MRPS9: variants seen among roughly 807,000 people sequenced by gnomAD.
MRPS9 encodes the protein mitochondrial ribosomal protein S9.
Under a neutral mutation model 59.9 loss-of-function variants are expected in MRPS9, and 45 were observed. That is an observed-to-expected ratio of 0.75 (90% CI 0.59 to 0.96). The LOEUF is 0.96. Ranked by LOEUF, MRPS9 falls within the 40% of genes least tolerant of loss-of-function variation. The probability of loss-of-function intolerance (pLI) is 0.00; values close to 1 mark genes in which losing one functional copy is unlikely to be tolerated. For missense variants in MRPS9, 473 were observed against 481.1 expected, an observed-to-expected ratio of 0.98 and a Z score of 0.16; for synonymous variants, 171 against 166.8, an observed-to-expected ratio of 1.03 and a Z score of -0.19.
chr2:105,039,412 A>G (rs1311842308), intron 1 of MRPS9, among the ~76,000 whole-genome samples: 1 of 151,104 alleles, frequency 6.6e-6, no homozygotes, highest in Admixed American at 6.6e-5. Context: ...CATGATTATG[A>G]GAGGGACTAT....
At position 105,071,572 on chromosome 2, in the gene MRPS9, ATC is replaced by A. The variant is rs1680114386; in HGVS notation, c.409+84_409+85del. 3.7e-6 allele frequency: 5 copies of A among 1,352,518 alleles called. No homozygotes were observed. In the East Asian group the frequency reaches 1.2e-4, roughly 31 times the overall value. The allele number at this position is 1,352,518 out of a possible 1,614,324, so 83.8% of individuals were successfully genotyped here. A position where few individuals can be genotyped will look rare whatever the true frequency, so the allele number is the denominator to read the frequency against. Reference sequence around the variant, plus strand: ...GTTATGTATCAGCGGTTGCTCACATATCGTAGGGTGGCCTTCCTGTGTCACAG... The same window carrying A: ...GTTATGTATCAGCGGTTGCTCACATAGTAGGGTGGCCTTCCTGTGTCACAG... On this transcript the variant is annotated intron_variant, in intron 4 of 10. Transcript: ENST00000258455.
chr2:105,047,381 G>C lies in MRPS9; in HGVS notation c.136-1790G>C, dbSNP rs569445594. 4.0e-5 allele frequency among the ~76,000 whole-genome samples: 6 copies of C among 151,656 alleles called. No individual in the cohort carries two copies. In the East Asian group the frequency reaches 1.2e-3, roughly 29 times the overall value. The stretch of plus-strand genomic sequence containing the variant: ...AAAACATATATTTTTTTCATTAATT[G>C]GGTATTGTTACATTTCTCCTGTATT... On this transcript the variant is annotated intron_variant, in intron 1 of 10. Transcript: ENST00000258455.
chr2:105,082,755 G>A (rs1006986477), intron 5 of MRPS9, among the ~76,000 whole-genome samples: 1 of 152,150 alleles, frequency 6.6e-6, no homozygotes, highest in Non-Finnish European at 1.5e-5. Flanking sequence ...TTTTGGAAAT[G>A]TGCCACACTC....
At chr2:105,050,784 C>A (rs1156902514) in intron 2 of MRPS9, among the ~76,000 whole-genome samples, 2 of 152,128 alleles carry the variant, frequency 1.3e-5, no homozygotes, top group Admixed American at 6.5e-5. Context: ...TCACCTAGAA[C>A]ATAGACTCTC....
At chr2:105,072,036 A>G (rs947606051) in intron 4 of MRPS9, among the ~76,000 whole-genome samples, 2 of 152,166 alleles carry the variant, frequency 1.3e-5, no homozygotes, top group African/African-American at 4.8e-5. Flanking sequence ...ATACACAGCA[A>G]GCTTTAAGGT....
chr2:105,062,198 T>A (rs6738556), intron 2 of MRPS9, among the ~76,000 whole-genome samples: 44,919 of 152,018 alleles, frequency 0.3, 6,756 homozygotes, highest in Middle Eastern at 0.43. Flanking sequence ...TCCTTCTTGT[T>A]TGTAAATATT....
At chr2:105,046,564 A>G (rs1218782094) in intron 1 of MRPS9, among the ~76,000 whole-genome samples, 1 of 151,924 alleles carries the variant, frequency 6.6e-6, no homozygotes, top group South Asian at 2.1e-4. Flanking sequence ...ATGTCCATCA[A>G]CATCTCACAC....
chr2:105,088,417 C>T (rs1004505724), intron 5 of MRPS9, among the ~76,000 whole-genome samples: 4 of 151,916 alleles, frequency 2.6e-5, no homozygotes, highest in Non-Finnish European at 2.9e-5. Flanking sequence ...GACATGCATT[C>T]ACAGATTTTG....
chr2:105,059,569 T>A (rs188079864), intron 2 of MRPS9, among the ~76,000 whole-genome samples: 4 of 150,024 alleles, frequency 2.7e-5, no homozygotes, highest in Non-Finnish European at 4.4e-5. Flanking sequence ...TCATTTTTTG[T>A]TTTTTTTGTT....
intron 2 of MRPS9, among the ~76,000 whole-genome samples, chr2:105,064,989 G>A (rs1207404901): frequency 1.3e-5 from 2 of 152,162 alleles, no homozygotes; most frequent in East Asian, 3.9e-4. Flanking sequence ...ATTTTTTCAT[G>A]CCGTTTTATG....
intron 1 of MRPS9, among the ~76,000 whole-genome samples, chr2:105,047,399 C>T (rs188617560): frequency 6.6e-6 from 1 of 151,820 alleles, no homozygotes; most frequent in Admixed American, 6.6e-5. Flanking sequence ...TTACATTTCT[C>T]CTGTATTTTT....
rs748664158 is a variant in MRPS9 at position 105,071,506 on chromosome 2, A to G, written c.409+17A>G. ...GACAAAGAGGTAAGTTTGTTCAAGA[A>G]TGAGAGAAACAGTTTTTTCTTTACC... On this transcript the variant is annotated intron_variant, in intron 4 of 10. Transcript: ENST00000258455. 1.2e-6 allele frequency: 2 copies of G among 1,601,746 alleles called. No individual in the cohort carries two copies. The highest frequency in any genetic ancestry group is 2.2e-5 in the East Asian group (1 of 44,672).
intron 1 of MRPS9, among the ~76,000 whole-genome samples, chr2:105,044,951 A>G (rs1679567224): frequency 6.6e-6 from 1 of 152,216 alleles, no homozygotes; most frequent in Admixed American, 6.5e-5. Flanking sequence ...TGATTAAAGG[A>G]AACTGTTGAG....
chr2:105,048,732 T>C (rs1385936521), intron 1 of MRPS9, among the ~76,000 whole-genome samples: 1 of 151,958 alleles, frequency 6.6e-6, no homozygotes, highest in African/African-American at 2.4e-5. Flanking sequence ...TAAGGTGCTC[T>C]TCCTCAGGCC....
chr2:105,073,413 A>G (rs1212731180), intron 4 of MRPS9, among the ~76,000 whole-genome samples: 1 of 152,134 alleles, frequency 6.6e-6, no homozygotes, highest in East Asian at 1.9e-4. Context: ...CTGTATGTAA[A>G]CAGTACTCCT....
At chr2:105,043,582 GC>G (rs1402083100) in intron 1 of MRPS9, among the ~76,000 whole-genome samples, 18 of 152,002 alleles carry the variant, frequency 1.2e-4, no homozygotes, top group African/African-American at 4.3e-4. Context: ...CTTGGACCCT[GC>G]CTGCTTTCCT....
At chr2:105,062,771 CAT>C (rs1227397313) in intron 2 of MRPS9, among the ~76,000 whole-genome samples, 1 of 152,146 alleles carries the variant, frequency 6.6e-6, no homozygotes, top group African/African-American at 2.4e-5. Context: ...GCACCAAGCA[CAT>C]GTCAGTGAGC....
chr2:105,071,317 C>G lies in MRPS9; in HGVS notation c.320C>G (p.Ala107Gly). 4 of 1,609,522 alleles carry G rather than the reference C, an allele frequency of 2.5e-6. No homozygotes were observed. Among genetic ancestry groups the G allele is most frequent in the Non-Finnish European group, 3.4e-6 (4 of 1,178,480 alleles). ...AACCTTTGTGTATATTTTCAGAGAG[C>G]TATTGCTTACCTTTTCCCAAGTGGT... is the stretch of plus-strand genomic sequence containing the variant. Reference protein sequence around the residue: ...ETFTQEDIDRAIAYLFPSGLF... With the variant: ...ETFTQEDIDRGIAYLFPSGLF... Residue 107 changes from alanine (A) to glycine (G), a missense_variant, in exon 3 of 11, where the codon GCT becomes GGT. By Grantham distance (60) the Ala-to-Gly change is moderately conservative. Transcript: ENST00000258455.
chr2:105,088,268 C>T (rs1680489098), intron 5 of MRPS9, among the ~76,000 whole-genome samples: 1 of 152,112 alleles, frequency 6.6e-6, no homozygotes, highest in Non-Finnish European at 1.5e-5. Context: ...TTTGCTCAGG[C>T]AAAAGCTGTA....
Sources: gnomAD v4.1 joint callset for allele counts (sites outside exome capture counted in the v4.1 genomes callset) on GRCh38, gnomAD v4.1.1 for gene constraint, MANE v1.5 for transcripts, NCBI Gene and HGNC (gene_info 2026-07-23, HGNC 2026-07-21) for gene names.